MAP2: variants seen among roughly 807,000 people sequenced by gnomAD.
MAP2 encodes the protein microtubule associated protein 2, also known as microtubule-associated protein 2.
Under a neutral mutation model 137.6 loss-of-function variants are expected in MAP2, and 14 were observed. The ratio of observed to expected loss-of-function variants is 0.10; its 90% CI spans 0.07 to 0.16. The LOEUF (loss-of-function observed/expected upper bound fraction) is 0.16. Among genes scored for constraint, MAP2 ranks in the 10% least tolerant of loss-of-function variants. The pLI is 1.00. For synonymous variants in MAP2, 786 were observed against 782.3 expected (o/e 1.00, Z -0.08); for missense variants, 2,088 against 2,191.5 (o/e 0.95, Z 0.94).
intron 3 of MAP2, among the ~76,000 whole-genome samples, chr2:209,617,252 A>G (rs1374314842): frequency 6.6e-6 from 1 of 152,140 alleles, no homozygotes; most frequent in African/African-American, 2.4e-5. Context: ...ACTGCTTCCT[A>G]GGCCTTCATT....
chr2:209,635,572 G>A (rs1233122366), intron 4 of MAP2, among the ~76,000 whole-genome samples: 2 of 152,110 alleles, frequency 1.3e-5, no homozygotes, highest in South Asian at 2.1e-4. Context: ...TACTATTTAC[G>A]TGGAGGGTAG....
chr2:209,513,314 T>C (rs571258378), intron 2 of MAP2, among the ~76,000 whole-genome samples: 2 of 152,266 alleles, frequency 1.3e-5, no homozygotes, highest in African/African-American at 4.8e-5. Context: ...TTATGCTTCA[T>C]GTTATGATTG....
intron 3 of MAP2, among the ~76,000 whole-genome samples, chr2:209,615,646 GGCAGCCAAA>G (rs1368100896): frequency 6.6e-6 from 1 of 152,124 alleles, no homozygotes. Context: ...AGTGGCAGGA[GGCAGCCAAA>G]TGCCTAGGCA....
intron 4 of MAP2, among the ~76,000 whole-genome samples, chr2:209,632,476 A>C (rs1394800569): frequency 6.6e-6 from 1 of 152,190 alleles, no homozygotes; most frequent in Non-Finnish European, 1.5e-5. Context: ...GAACAACAAA[A>C]AAGTGTCATA....
chr2:209,648,449 T>C (rs1363517927), intron 4 of MAP2, among the ~76,000 whole-genome samples: 1 of 152,022 alleles, frequency 6.6e-6, no homozygotes, highest in Non-Finnish European at 1.5e-5. Flanking sequence ...GTATTCCCAT[T>C]ATATATTGAC....
chr2:209,434,168 A>G (rs1460671584), intron 1 of MAP2, among the ~76,000 whole-genome samples: 1 of 152,038 alleles, frequency 6.6e-6, no homozygotes, highest in Non-Finnish European at 1.5e-5. Flanking sequence ...TATTTAATGC[A>G]CTTTTCAGAT....
intron 1 of MAP2, among the ~76,000 whole-genome samples, chr2:209,505,753 C>T (rs568209062): frequency 2.3e-4 from 34 of 148,970 alleles, no homozygotes; most frequent in Non-Finnish European, 4.3e-4. Flanking sequence ...GGGTGGATTG[C>T]TTGAGTTCAG....
intron 3 of MAP2, among the ~76,000 whole-genome samples, chr2:209,624,289 T>C (rs751793790): frequency 4.6e-5 from 7 of 152,066 alleles, no homozygotes; most frequent in South Asian, 2.1e-4. Context: ...GATACATAGA[T>C]TTAGATACCT....
At chr2:209,631,585 AG>A (rs1475552192) in intron 4 of MAP2, among the ~76,000 whole-genome samples, 59 of 152,098 alleles carry the variant, frequency 3.9e-4, no homozygotes, top group African/African-American at 1.4e-3. Flanking sequence ...AAAAAAAAAA[AG>A]TAGTTAACAA....
intron 3 of MAP2, among the ~76,000 whole-genome samples, chr2:209,622,589 T>A (rs2091454729): frequency 6.6e-6 from 1 of 152,246 alleles, no homozygotes; most frequent in Non-Finnish European, 1.5e-5. Flanking sequence ...TTAGGCATGT[T>A]GCAGCCACTT....
intron 1 of MAP2, among the ~76,000 whole-genome samples, chr2:209,468,317 CTTTTT>C (rs11450792): frequency 4.0e-4 from 35 of 88,514 alleles, no homozygotes; most frequent in Admixed American, 1.1e-3. Context: ...TTTAGTGTTT[CTTTTT>C]TTTTTTTTTT....
intron 2 of MAP2, among the ~76,000 whole-genome samples, chr2:209,538,827 G>T (rs754943219): frequency 1.3e-5 from 2 of 152,186 alleles, no homozygotes; most frequent in African/African-American, 4.8e-5. Flanking sequence ...CAATGAGAAG[G>T]ATGTGAATTA....
At chr2:209,624,223 G>A (rs1023477425) in intron 3 of MAP2, among the ~76,000 whole-genome samples, 1 of 152,146 alleles carries the variant, frequency 6.6e-6, no homozygotes, top group African/African-American at 2.4e-5. Context: ...TAGAAGATAT[G>A]ACGGGGTCCA....
At chr2:209,522,611 T>C (rs1559272710) in intron 2 of MAP2, among the ~76,000 whole-genome samples, 1 of 152,174 alleles carries the variant, frequency 6.6e-6, no homozygotes, top group South Asian at 2.1e-4. Context: ...AATTAATATA[T>C]GTAAGAGGCC....
At chr2:209,550,168 C>T (rs1031721132) in intron 2 of MAP2, among the ~76,000 whole-genome samples, 3 of 152,084 alleles carry the variant, frequency 2.0e-5, no homozygotes, top group African/African-American at 7.2e-5. Flanking sequence ...AATGTGATTG[C>T]TCTTGGTATA....
intron 3 of MAP2, among the ~76,000 whole-genome samples, chr2:209,597,967 C>A (rs889397311): frequency 6.6e-6 from 1 of 152,038 alleles, no homozygotes; most frequent in Non-Finnish European, 1.5e-5. Context: ...TCCTACAAGA[C>A]TAGAATCTCC....
At chr2:209,696,855 G>A (rs888168406) in intron 9 of MAP2, 62 bp from the exon 10 acceptor site, 12 of 1,556,172 alleles carry the variant, frequency 7.7e-6, no homozygotes, top group African/African-American at 6.9e-5. Flanking sequence ...AATTTCGTTC[G>A]GTTTTGCTCC....
At chr2:209,631,049 C>T (rs1188598303) in intron 4 of MAP2, among the ~76,000 whole-genome samples, 1 of 99,966 alleles carries the variant, frequency 1.0e-5, no homozygotes, top group African/African-American at 3.8e-5. Context: ...AGAGAGAGAG[C>T]GAGAATAGAT....
At chr2:209,588,638 G>T (rs889512966) in intron 3 of MAP2, among the ~76,000 whole-genome samples, 2 of 152,058 alleles carry the variant, frequency 1.3e-5, no homozygotes, top group Non-Finnish European at 2.9e-5. Context: ...CTTTTTATAT[G>T]ATTTTCTCAT....
Sources: allele counts gnomAD v4.1 joint callset (sites outside exome capture counted in the v4.1 genomes callset), GRCh38; gene constraint gnomAD v4.1.1; transcripts MANE v1.5; gene names NCBI Gene and HGNC (gene_info 2026-07-23, HGNC 2026-07-21).